DGKB: variants seen among roughly 807,000 people sequenced by gnomAD.
The protein encoded by DGKB is diacylglycerol kinase beta, also known as 90 kDa diacylglycerol kinase.
In DGKB, 67 loss-of-function variants were observed where a neutral mutation model predicts 114.3. The observed-to-expected ratio is 0.59, with a 90% CI of 0.48 to 0.72. The LOEUF (loss-of-function observed/expected upper bound fraction) is 0.72, where lower values mean the gene tolerates loss of function less well. Among genes scored for constraint, DGKB ranks in the 30% least tolerant of loss-of-function variants. DGKB has a pLI of 0.00. For missense variants in DGKB, 907 were observed against 975.2 expected, an observed-to-expected ratio of 0.93 and a Z score of 0.93; for synonymous variants, 398 against 323.1, an observed-to-expected ratio of 1.23 and a Z score of -2.49.
chr7:14,318,504 G>T (rs924953936), intron 23 of DGKB, among the ~76,000 whole-genome samples: 1 of 152,182 alleles, frequency 6.6e-6, no homozygotes, highest in Admixed American at 6.5e-5. Flanking sequence ...CTCAAAAGAA[G>T]ACATTTATGC....
At chr7:14,937,339 T>C (rs763746750) in intron 1 of DGKB, among the ~76,000 whole-genome samples, 18 of 152,068 alleles carry the variant, frequency 1.2e-4, no homozygotes, top group Non-Finnish European at 2.1e-4. Flanking sequence ...GAGACAATCA[T>C]GTATATCTAT....
At position 14,197,279 on chromosome 7, in the gene DGKB, C is replaced by T. The variant is rs77682507; in HGVS notation, c.2123-19128G>A. ...ACAAAGGAAAATTATTCTATTTAGTCGTATTCTTTTAAAAGTTATTTGTTT... is the reference window on the plus strand; with the variant it reads ...ACAAAGGAAAATTATTCTATTTAGTTGTATTCTTTTAAAAGTTATTTGTTT... On this transcript the variant is annotated intron_variant, in intron 23 of 25. Transcript: ENST00000402815. Among the ~76,000 whole-genome samples, 1,076 of 151,966 alleles carry T rather than the reference C, an allele frequency of 7.1e-3. 16 individuals carry two copies. Among genetic ancestry groups the T allele is most frequent in the African/African-American group, 0.024 (1,007 of 41,464 alleles).
chr7:14,762,518 T>A (rs1240759217), intron 2 of DGKB, among the ~76,000 whole-genome samples: 1 of 152,136 alleles, frequency 6.6e-6, no homozygotes, highest in East Asian at 1.9e-4. Flanking sequence ...TGAAAATAAA[T>A]AAATGACTAA....
chr7:14,352,258 T>G (rs6955228), intron 21 of DGKB, among the ~76,000 whole-genome samples: 3 of 151,904 alleles, frequency 2.0e-5, no homozygotes, highest in Non-Finnish European at 4.4e-5. Context: ...TTTTTTTATA[T>G]GTAAGTGTAA....
intron 21 of DGKB, among the ~76,000 whole-genome samples, chr7:14,411,988 A>G (rs1029183064): frequency 6.6e-6 from 1 of 152,196 alleles, no homozygotes; most frequent in Non-Finnish European, 1.5e-5. Context: ...CAGAAAATCA[A>G]GTTGTATAAG....
chr7:14,367,217 A>G (rs1435067968), intron 21 of DGKB, among the ~76,000 whole-genome samples: 6 of 152,048 alleles, frequency 3.9e-5, no homozygotes, highest in Admixed American at 3.9e-4. Context: ...TGTTCTGAGC[A>G]TGTTTAAGGC....
intron 1 of DGKB, among the ~76,000 whole-genome samples, chr7:14,951,549 C>A (rs1786200702): frequency 6.6e-6 from 1 of 151,854 alleles, no homozygotes; most frequent in Admixed American, 6.6e-5. Flanking sequence ...GTTGTTAGGG[C>A]AGTAAAATTA....
chr7:14,274,975 T>TG (rs1562807912), intron 23 of DGKB, among the ~76,000 whole-genome samples: 8 of 133,892 alleles, frequency 6.0e-5, no homozygotes, highest in African/African-American at 2.1e-4. Flanking sequence ...GTGTGTGTGT[T>TG]TGTGTGTGCG....
At chr7:14,905,059 TC>T (rs761203458), upstream of DGKB, among the ~76,000 whole-genome samples, 40 of 152,174 alleles carry the variant, frequency 2.6e-4, no homozygotes, top group Middle Eastern at 3.4e-3. Context: ...TTACCTTTAC[TC>T]CCATTTTGAA....
intron 6 of DGKB, 130 bp from the exon 7 acceptor site, chr7:14,701,860 A>G: frequency 1.6e-6 from 1 of 621,358 alleles, no homozygotes; most frequent in South Asian, 2.0e-5. Flanking sequence ...CAAACAATTA[A>G]TTTGTGGGAT....
At chr7:14,518,871 G>A (rs1363454730) in intron 20 of DGKB, among the ~76,000 whole-genome samples, 1 of 151,852 alleles carries the variant, frequency 6.6e-6, no homozygotes, top group Non-Finnish European at 1.5e-5. Flanking sequence ...AGATTCTTTG[G>A]GTCCTTTCCT....
intron 1 of DGKB, among the ~76,000 whole-genome samples, chr7:14,929,837 GTAT>G (rs1371014106): frequency 2.0e-5 from 3 of 152,098 alleles, no homozygotes. Flanking sequence ...TTTTCTTCTA[GTAT>G]TATTGTAGTT....
At chr7:14,284,124 G>C (rs1800432118) in intron 23 of DGKB, among the ~76,000 whole-genome samples, 1 of 151,898 alleles carries the variant, frequency 6.6e-6, no homozygotes, top group Non-Finnish European at 1.5e-5. Flanking sequence ...ATCTGACAAA[G>C]GGCTAATATC....
chr7:14,483,937 T>G (rs1297600205), intron 20 of DGKB, among the ~76,000 whole-genome samples: 1 of 152,162 alleles, frequency 6.6e-6, no homozygotes, highest in African/African-American at 2.4e-5. Flanking sequence ...TCTCTTGAAC[T>G]GTGAGACAAT....
At chr7:14,956,166 A>G (rs988496558) in intron 1 of DGKB, among the ~76,000 whole-genome samples, 1 of 152,032 alleles carries the variant, frequency 6.6e-6, no homozygotes, top group African/African-American at 2.4e-5. Context: ...AAATTTTTCA[A>G]ATAGAGATTA....
At chr7:14,779,623 G>C (rs553893748) in intron 2 of DGKB, among the ~76,000 whole-genome samples, 4 of 152,004 alleles carry the variant, frequency 2.6e-5, no homozygotes, top group East Asian at 3.9e-4. Flanking sequence ...AAAAGTAAAG[G>C]CTCCCACAAA....
intron 25 of DGKB, among the ~76,000 whole-genome samples, chr7:14,175,397 G>C (rs2108206): frequency 0.09 from 13,691 of 152,082 alleles, 860 homozygotes; most frequent in Admixed American, 0.19. Context: ...TCATTCTTAG[G>C]TAAGAGTTGA....
chr7:14,728,574 G>A (rs1830362224), intron 5 of DGKB, among the ~76,000 whole-genome samples: 1 of 152,104 alleles, frequency 6.6e-6, no homozygotes, highest in Non-Finnish European at 1.5e-5. Context: ...ATACTTACAA[G>A]GTCATGAGCA....
chr7:14,225,242 C>G (rs1790604164), intron 23 of DGKB, among the ~76,000 whole-genome samples: 1 of 152,088 alleles, frequency 6.6e-6, no homozygotes, highest in Non-Finnish European at 1.5e-5. Flanking sequence ...TGACAGCCTT[C>G]AAACTGGCAT....
Sources: gnomAD v4.1 joint callset for allele counts (sites outside exome capture counted in the v4.1 genomes callset) on GRCh38, gnomAD v4.1.1 for gene constraint, MANE v1.5 for transcripts, NCBI Gene and HGNC (gene_info 2026-07-23, HGNC 2026-07-21) for gene names.